The following ATP9A variants were observed in gnomAD, a reference collection of about 807,000 sequenced individuals.
ATP9A encodes the protein probable phospholipid-transporting ATPase IIA.
A neutral mutation model predicts 144.1 loss-of-function variants in ATP9A; 52 were observed. That is an observed-to-expected ratio of 0.36 (90% CI 0.29 to 0.45). ATP9A has a LOEUF of 0.45. Among genes scored for constraint, ATP9A ranks in the 20% least tolerant of loss-of-function variants. The pLI, the probability that ATP9A is intolerant of heterozygous loss-of-function variation, is 1.00. For missense variants in ATP9A, 947 were observed against 1,392.7 expected (o/e 0.68, Z 5.09); for synonymous variants, 582 against 557.4 (o/e 1.04, Z -0.62).
At chr20:51,690,626 C>T (rs1287914149) in intron 8 of ATP9A, 113 bp downstream of exon 8, 2 of 886,044 alleles carry the variant, frequency 2.3e-6, no homozygotes, top group African/African-American at 1.7e-5. Flanking sequence ...TCTTTATGTC[C>T]CCACCTGGCA....
intron 4 of ATP9A, among the ~76,000 whole-genome samples, chr20:51,698,013 G>A (rs1031760064): frequency 1.2e-4 from 18 of 152,262 alleles, no homozygotes; most frequent in African/African-American, 3.8e-4. Context: ...TGCTAATTCT[G>A]TGCTCAGCAC....
At chr20:51,703,075 T>C (rs1223476121) in intron 4 of ATP9A, among the ~76,000 whole-genome samples, 1 of 152,182 alleles carries the variant, frequency 6.6e-6, no homozygotes, top group Non-Finnish European at 1.5e-5. Context: ...GCTTGGGCGA[T>C]GCTTCACTGT....
In ATP9A at chr20:51,621,371, G is replaced by A. The variant is rs529630127; in HGVS notation, c.2115+703C>T. 2.5e-3 allele frequency among the ~76,000 whole-genome samples: 373 copies of A among 152,224 alleles called. 1 individual carries two copies. Among genetic ancestry groups the A allele is most frequent in the African/African-American group, 8.6e-3 (359 of 41,542 alleles). ...GTGTGCTATGGACCAAAGGCGGGGTGAGGGCGAGACCCCCAAACATCTAGA... is the reference window on the plus strand; with the variant it reads ...GTGTGCTATGGACCAAAGGCGGGGTAAGGGCGAGACCCCCAAACATCTAGA... On this transcript the variant is annotated intron_variant, in intron 19 of 27. Transcript: ENST00000338821.
chr20:51,676,917 C>CTTTTTT (rs34062000), intron 9 of ATP9A, among the ~76,000 whole-genome samples: 4 of 68,424 alleles, frequency 5.8e-5, no homozygotes, highest in African/African-American at 2.3e-4. Context: ...CGCCCAGTCT[C>CTTTTTT]TTTTTTTTTT....
intron 13 of ATP9A, among the ~76,000 whole-genome samples, chr20:51,662,453 G>A (rs2077414685): frequency 6.6e-6 from 1 of 151,646 alleles, no homozygotes; most frequent in African/African-American, 2.4e-5. Flanking sequence ...GCTGAGGCAG[G>A]AGAATTGCTT....
intron 16 of ATP9A, among the ~76,000 whole-genome samples, chr20:51,628,476 A>G (rs1310131164): frequency 6.6e-6 from 1 of 152,192 alleles, no homozygotes; most frequent in Non-Finnish European, 1.5e-5. Context: ...AGGTTAGTAA[A>G]GACAGTGACT....
intron 20 of ATP9A, 51 bp from the exon 21 acceptor site, chr20:51,618,857 T>C (rs1478845904): frequency 1.1e-5 from 17 of 1,581,292 alleles, no homozygotes; most frequent in East Asian, 2.3e-5. Flanking sequence ...AGGTGGTGCG[T>C]TGGTGGAGGT....
Position 51,619,026 on chromosome 20 carries a change from C to T in ATP9A, c.2133G>A (p.Glu711=). 6.2e-7 allele frequency: 1 copy of T among 1,614,124 alleles called. No individual in the cohort carries two copies. The highest frequency in any genetic ancestry group is 8.5e-7 in the Non-Finnish European group (1 of 1,180,004). Residue 711 remains glutamate (E), a synonymous_variant, in exon 20 of 28, where the codon GAG becomes GAA. Transcript: ENST00000338821. ...HVFRLVTNRG[E]AHLELNAFRR... is the part of the protein sequence containing the mutation. ...GGAAGGCGTTCAGCTCGAGGTGAGC[C>T]TCCCCGCGGTTGGTCACCTGGAAGG...
At chr20:51,662,384 A>G (rs1285710251) in intron 13 of ATP9A, among the ~76,000 whole-genome samples, 1 of 151,882 alleles carries the variant, frequency 6.6e-6, no homozygotes, top group East Asian at 1.9e-4. Context: ...GTCTCTACTA[A>G]AGATACAAAA....
chr20:51,761,969 C>A (rs193185041), intron 1 of ATP9A, among the ~76,000 whole-genome samples: 24 of 152,202 alleles, frequency 1.6e-4, no homozygotes, highest in Non-Finnish European at 3.1e-4. Context: ...GGCTCATGGC[C>A]CCTTCTTCCC....
rs942158298 is a variant in ATP9A at position 51,690,407 on chromosome 20, A to G, written c.723+332T>C. 6.6e-5 allele frequency among the ~76,000 whole-genome samples: 10 copies of G among 152,206 alleles called. No homozygotes were observed. In the South Asian group the frequency reaches 8.3e-4, roughly 13 times the overall value. ...TGGACTCCAGCCTGGGCAACAGAGC[A>G]AGACTCCATCTCAAAAAAAAACAAG... On this transcript the variant is annotated intron_variant, in intron 8 of 27. Transcript: ENST00000338821.
At chr20:51,689,194 C>T in intron 8 of ATP9A, 55 bp from the exon 9 acceptor site, 4 of 1,556,602 alleles carry the variant, frequency 2.6e-6, no homozygotes, top group Non-Finnish European at 3.5e-6. Flanking sequence ...CCAGAATCCA[C>T]AGGCTGCTTC....
intron 1 of ATP9A, among the ~76,000 whole-genome samples, chr20:51,743,791 G>A (rs371813838): frequency 4.7e-5 from 7 of 150,158 alleles, no homozygotes; most frequent in East Asian, 4.1e-4. Context: ...GGCGGATCAC[G>A]AGGTCAAGAG....
intron 11 of ATP9A, among the ~76,000 whole-genome samples, chr20:51,673,572 C>T (rs2077464995): frequency 6.6e-6 from 1 of 152,096 alleles, no homozygotes; most frequent in Non-Finnish European, 1.5e-5. Context: ...ATCAACCTTG[C>T]AGAGCTGGCT....
In ATP9A at chr20:51,667,433, G is replaced by A. The variant is rs146188976; in HGVS notation, c.1293+2564C>T. ...CAGACATGTAGCTGGGTGCTGATATGCATGACAATCCAATCAATGAGCCCC... is the reference window on the plus strand; with the variant it reads ...CAGACATGTAGCTGGGTGCTGATATACATGACAATCCAATCAATGAGCCCC... On this transcript the variant is annotated intron_variant, in intron 13 of 27. Coordinates refer to ENST00000338821, the MANE Select transcript of ATP9A (RefSeq NM_006045.3). Among the ~76,000 whole-genome samples the A allele has an allele frequency of 4.3e-3, 661 of 152,330 alleles. 8 individuals carry two copies. The highest frequency in any genetic ancestry group is 0.015 in the African/African-American group (620 of 41,570).
At chr20:51,739,676 C>A (rs2077777019) in intron 1 of ATP9A, among the ~76,000 whole-genome samples, 1 of 152,198 alleles carries the variant, frequency 6.6e-6, no homozygotes, top group South Asian at 2.1e-4. Context: ...AATCCCATCT[C>A]TGAATTTCAG....
chr20:51,760,604 G>GTAA (rs1168729602), intron 1 of ATP9A, among the ~76,000 whole-genome samples: 1 of 151,942 alleles, frequency 6.6e-6, no homozygotes, highest in Non-Finnish European at 1.5e-5. Flanking sequence ...GTAGGCATGT[G>GTAA]TAATCCCAGC....
intron 3 of ATP9A, among the ~76,000 whole-genome samples, chr20:51,719,839 G>A (rs1013247381): frequency 2.0e-5 from 3 of 150,904 alleles, no homozygotes; most frequent in South Asian, 4.2e-4. Flanking sequence ...TTAAGGTCAG[G>A]AGTTCGAGAC....
In ATP9A at chr20:51,693,403, A is replaced by T. The variant is rs965569251; in HGVS notation, c.642+605T>A. Reference sequence around the variant, plus strand: ...GCTGGTAGGCAGAGGAGAGAGGGCCAGGCACTGAGGTCGGAGCCTCTGCAG... The same window carrying T: ...GCTGGTAGGCAGAGGAGAGAGGGCCTGGCACTGAGGTCGGAGCCTCTGCAG... On this transcript the variant is annotated intron_variant, in intron 7 of 27. Coordinates refer to ENST00000338821, the MANE Select transcript of ATP9A (RefSeq NM_006045.3). Among the ~76,000 whole-genome samples the T allele has an allele frequency of 4.6e-5, 7 of 152,344 alleles. No homozygotes were observed. The East Asian group carries it at 1.3e-3, about 29-fold the overall frequency.
Sources: gnomAD v4.1 joint callset for allele counts (sites outside exome capture counted in the v4.1 genomes callset) on GRCh38, gnomAD v4.1.1 for gene constraint, MANE v1.5 for transcripts, NCBI Gene and HGNC (gene_info 2026-07-23, HGNC 2026-07-21) for gene names.